The following NOA1 variants were observed in gnomAD, a reference collection of about 807,000 sequenced individuals.
NOA1 encodes the protein nitric oxide associated 1.
NOA1 carries 35 observed loss-of-function variants against 58.4 expected under a neutral mutation model. The ratio of observed to expected loss-of-function variants is 0.60; its 90% CI spans 0.46 to 0.79. NOA1 has a LOEUF of 0.79. Ranked by LOEUF, NOA1 falls within the 30% of genes least tolerant of loss-of-function variation. NOA1 has a pLI of 0.00. For synonymous variants in NOA1, 397 were observed against 373.4 expected (o/e 1.06, Z -0.73); for missense variants, 895 against 894.6 (o/e 1.00, Z -0.01).
At chr4:56,974,063 A>G (rs772948096) in intron 1 of NOA1, 41 bp from the exon 2 acceptor site, 2 of 1,460,752 alleles carry the variant, frequency 1.4e-6, no homozygotes, top group Non-Finnish European at 1.9e-6. Flanking sequence ...AAAAGGGAAT[A>G]AGGGGGAAGA....
intron 3 of NOA1, among the ~76,000 whole-genome samples, chr4:56,968,753 T>G (rs1430908674): frequency 6.6e-6 from 1 of 152,236 alleles, no homozygotes; most frequent in Non-Finnish European, 1.5e-5. Context: ...AATAACTTTA[T>G]AGGTGTATGA....
chr4:56,972,185 C>T (rs561395668), intron 3 of NOA1, among the ~76,000 whole-genome samples: 66 of 152,310 alleles, frequency 4.3e-4, no homozygotes, highest in African/African-American at 1.3e-3. Context: ...TGCGCCCGGT[C>T]GGAGTTAATG....
Position 56,974,024 on chromosome 4 carries a change from T to G in NOA1, c.1145-2A>C. On this transcript the variant is annotated splice_acceptor_variant, in intron 1 of 6. Transcript: ENST00000264230. LOFTEE classifies it high-confidence loss of function. ...ACTTCAGAAGGTTTAATGTAGTACC[T>G]GAAATACACAGAATAAATACATCTT... is the stretch of plus-strand genomic sequence containing the variant. 1 of 1,604,130 alleles carries G rather than the reference T, an allele frequency of 6.2e-7. No homozygotes were observed. The highest frequency in any genetic ancestry group is 8.5e-7 in the Non-Finnish European group (1 of 1,171,848).
intron 6 of NOA1, among the ~76,000 whole-genome samples, chr4:56,964,181 C>T (rs1278200252): frequency 1.3e-5 from 2 of 151,860 alleles, no homozygotes; most frequent in African/African-American, 4.8e-5. Context: ...GATTCTCCTG[C>T]CTCAGCCTCC....
intron 3 of NOA1, among the ~76,000 whole-genome samples, chr4:56,971,286 A>G (rs1174306716): frequency 7.5e-6 from 1 of 133,594 alleles, no homozygotes; most frequent in Non-Finnish European, 1.5e-5. Flanking sequence ...ACTGCACTCC[A>G]GCCTGGGCAA....
intron 6 of NOA1, 149 bp downstream of exon 6, chr4:56,964,257 G>A: frequency 1.3e-6 from 1 of 769,288 alleles, no homozygotes; most frequent in South Asian, 1.7e-5. Context: ...AGTAGAGACG[G>A]GGTTTCTCCA....
chr4:56,970,457 GTC>G (rs1206167098), intron 3 of NOA1, among the ~76,000 whole-genome samples: 2 of 150,800 alleles, frequency 1.3e-5, no homozygotes, highest in East Asian at 4.1e-4. Context: ...GGGAAACCTT[GTC>G]TCTCTTTTTT....
At chr4:56,971,341 A>AAAAAAAG (rs1721808477) in intron 3 of NOA1, among the ~76,000 whole-genome samples, 1 of 142,760 alleles carries the variant, frequency 7.0e-6, no homozygotes, top group African/African-American at 2.7e-5. Flanking sequence ...AAAAAAAAAA[A>AAAAAAAG]GTATGGTGGG....
Position 56,966,735 on chromosome 4 carries a change from C to T in NOA1, c.1649G>A (p.Gly550Glu). 1 of 1,602,774 alleles carries T rather than the reference C, an allele frequency of 6.2e-7. No individual in the cohort carries two copies. ...GAIGRIDFLQ[G>E]NQSAWFTVVA... The stretch of plus-strand genomic sequence containing the variant: ...GACTGTAAACCAAGCTGACTGATTT[C>T]CCTTAAGAAAGGAAGAAGTTATCTG... The change falls in exon 5 of 7, where the codon GGA (glycine) becomes GAA (glutamate). Residue 550 changes from glycine (G) to glutamate (E), a missense_variant and splice_region_variant. Around this residue, in one of 3 missense-constraint regions of NOA1, gnomAD observed 212 missense variants for 221.3 expected, o/e 0.96. Transcript: ENST00000264230.
chr4:56,977,158 C>T lies in NOA1; in HGVS notation c.428G>A (p.Gly143Asp), dbSNP rs748754023. 3.9e-6 allele frequency: 6 copies of T among 1,556,966 alleles called. No individual in the cohort carries two copies. In the African/African-American group the frequency reaches 5.4e-5, roughly 14 times the overall value. The change falls in exon 1 of 7, where the codon GGC (glycine) becomes GAC (aspartate). Residue 143 changes from glycine (G) to aspartate (D), a missense_variant. Coordinates refer to ENST00000264230, the MANE Select transcript of NOA1 (RefSeq NM_032313.4). ...CTGGCAGTGCAGCTCTGCCCCACAGCCCGAGCAGTTCACGCCGCTGGGCGG... is the reference window on the plus strand; with the variant it reads ...CTGGCAGTGCAGCTCTGCCCCACAGTCCGAGCAGTTCACGCCGCTGGGCGG... Reference protein sequence around the residue: ...ALPPSGVNCSGCGAELHCQDA... With the variant: ...ALPPSGVNCSDCGAELHCQDA...
At chr4:56,970,376 T>C (rs1721790462) in intron 3 of NOA1, among the ~76,000 whole-genome samples, 1 of 151,614 alleles carries the variant, frequency 6.6e-6, no homozygotes, top group Non-Finnish European at 1.5e-5. Flanking sequence ...GAGGCTGAAG[T>C]GGGAGAATTG....
intron 3 of NOA1, among the ~76,000 whole-genome samples, chr4:56,969,343 C>T (rs930748731): frequency 1.3e-5 from 2 of 152,172 alleles, no homozygotes; most frequent in African/African-American, 2.4e-5. Context: ...GAGGCTAAGG[C>T]GGGCAGATCA....
intron 6 of NOA1, 50 bp from the exon 7 acceptor site, chr4:56,963,711 T>C (rs1231210438): frequency 7.0e-7 from 1 of 1,420,634 alleles, no homozygotes; most frequent in South Asian, 1.2e-5. Flanking sequence ...ATCATCTTAT[T>C]AAAAATACCA....
At position 56,976,503 on chromosome 4, in the gene NOA1, G is replaced by C. The variant is rs1721925234; in HGVS notation, c.1083C>G (p.Ser361=). ...CGGAGCCCTTGGCAGTGCAGTAATC[G>C]GACTCCAGGAGCGTGTTAAAGAGAG... ...KSTLFNTLLE[S]DYCTAKGSEA... Residue 361 remains serine (S), a synonymous_variant, in exon 1 of 7, where the codon TCC becomes TCG. Transcript: ENST00000264230. The C allele has an allele frequency of 2.5e-6, 4 of 1,614,202 alleles. No homozygotes were observed. Among genetic ancestry groups the C allele is most frequent in the Non-Finnish European group, 3.4e-6 (4 of 1,180,038 alleles).
chr4:56,973,351 T>G lies in NOA1; in HGVS notation c.1312A>C (p.Arg438=), dbSNP rs1481220662. ...GAATACAAGAATGTCCTTCCAACTC[T>G]TCCTAGAACAAGTTATAGTAAGGTT... ...VLKKHGYVVG[R]VGRTFLYSEE... The change falls in exon 3 of 7, where the codon AGA becomes CGA. Residue 438 remains arginine, a splice_region_variant and synonymous_variant. Transcript: ENST00000264230. The G allele has an allele frequency of 6.2e-7, 1 of 1,613,058 alleles. No homozygotes were observed. The highest frequency in any genetic ancestry group is 8.5e-7 in the Non-Finnish European group (1 of 1,179,048).
intron 3 of NOA1, among the ~76,000 whole-genome samples, chr4:56,972,837 A>C (rs754491508): frequency 6.6e-6 from 1 of 152,222 alleles, no homozygotes; most frequent in Non-Finnish European, 1.5e-5. Context: ...ACTTGATGGC[A>C]TACAGATTCA....
At chr4:56,973,749 C>A in intron 2 of NOA1, 109 bp downstream of exon 2, 1 of 1,029,110 alleles carries the variant, frequency 9.7e-7, no homozygotes, top group Non-Finnish European at 1.5e-6. Flanking sequence ...ATAAGGAAGG[C>A]AGTCTCTCCC....
At chr4:56,973,435 A>T (rs1721845417) in intron 2 of NOA1, 82 bp from the exon 3 acceptor site, 1 of 1,182,634 alleles carries the variant, frequency 8.5e-7, no homozygotes, top group Non-Finnish European at 1.3e-6. Context: ...TCCCTCAAAC[A>T]AGTTACTAAG....
intron 1 of NOA1, among the ~76,000 whole-genome samples, chr4:56,975,674 G>A (rs548545484): frequency 6.6e-6 from 1 of 152,190 alleles, no homozygotes; most frequent in East Asian, 1.9e-4. Context: ...TCAGGGGTTT[G>A]AGACCAGCCT....
Sources: gnomAD v4.1 joint callset for allele counts (sites outside exome capture counted in the v4.1 genomes callset) on GRCh38, gnomAD v4.1.1 for gene constraint, gnomAD v4.1.1 regional missense constraint, MANE v1.5 for transcripts, NCBI Gene and HGNC (gene_info 2026-07-23, HGNC 2026-07-21) for gene names.